DLGAP1: variants seen among roughly 807,000 people sequenced by gnomAD.
DLGAP1 encodes disks large-associated protein 1.
Under a neutral mutation model 90.8 loss-of-function variants are expected in DLGAP1, and 11 were observed. The observed-to-expected ratio is 0.12, with a 90% CI of 0.08 to 0.20. The LOEUF is 0.20. Among genes scored for constraint, DLGAP1 ranks in the 10% least tolerant of loss-of-function variants. The pLI is 1.00. For synonymous variants in DLGAP1, 558 were observed against 540.7 expected (o/e 1.03, Z -0.44); for missense variants, 1,050 against 1,333.8 (o/e 0.79, Z 3.31).
chr18:3,507,019 T>A (rs1419902889), intron 11 of DLGAP1, among the ~76,000 whole-genome samples: 2 of 151,912 alleles, frequency 1.3e-5, no homozygotes, highest in Non-Finnish European at 1.5e-5. Flanking sequence ...TATAAACGTG[T>A]GTGTATGGGG....
chr18:4,374,966 A>C (rs1462972), intron 1 of DLGAP1, among the ~76,000 whole-genome samples: 30,935 of 151,978 alleles, frequency 0.2, 3,462 homozygotes, highest in African/African-American at 0.3. Context: ...TGACAAGAAA[A>C]AAATAAAATA....
At chr18:4,348,588 G>A (rs781605311) in intron 1 of DLGAP1, among the ~76,000 whole-genome samples, 1 of 151,968 alleles carries the variant, frequency 6.6e-6, no homozygotes, top group Admixed American at 6.6e-5. Flanking sequence ...AATACCTTTC[G>A]CTAAGAAAAA....
chr18:4,268,641 T>C (rs1227357123), intron 1 of DLGAP1, among the ~76,000 whole-genome samples: 1 of 152,214 alleles, frequency 6.6e-6, no homozygotes, highest in African/African-American at 2.4e-5. Context: ...CAGCAAAATA[T>C]GGCAGAATTG....
At chr18:3,950,221 T>C (rs1755590029) in intron 3 of DLGAP1, among the ~76,000 whole-genome samples, 1 of 152,236 alleles carries the variant, frequency 6.6e-6, no homozygotes, top group African/African-American at 2.4e-5. Flanking sequence ...TATTTCATTA[T>C]TTGTGGAGAG....
intron 2 of DLGAP1, among the ~76,000 whole-genome samples, chr18:4,042,886 A>C (rs1002461170): frequency 2.0e-5 from 3 of 152,254 alleles, no homozygotes; most frequent in Non-Finnish European, 4.4e-5. Flanking sequence ...GCTAAACCAA[A>C]TACTTTAAAA....
At position 4,020,944 on chromosome 18, in the gene DLGAP1, C is replaced by T. The variant is rs923170107; in HGVS notation, c.-158-15743G>A. Reference sequence around the variant, plus strand: ...TCTGTTCTGATGGACCAGCTGACACCACCCAGACTGGTAAACTGGTTCAAC... The same window carrying T: ...TCTGTTCTGATGGACCAGCTGACACTACCCAGACTGGTAAACTGGTTCAAC... On this transcript the variant is annotated intron_variant, in intron 2 of 12. Transcript: ENST00000315677. Among the ~76,000 whole-genome samples the T allele has an allele frequency of 1.3e-4, 20 of 152,208 alleles. No homozygotes were observed. In the East Asian group the frequency reaches 3.1e-3, roughly 24 times the overall value.
intron 7 of DLGAP1, among the ~76,000 whole-genome samples, chr18:3,701,623 A>G (rs2061282473): frequency 6.6e-6 from 1 of 152,218 alleles, no homozygotes; most frequent in Admixed American, 6.5e-5. Flanking sequence ...ATGGCCAAGG[A>G]GTCCATTTGG....
intron 7 of DLGAP1, among the ~76,000 whole-genome samples, chr18:3,689,921 C>A (rs1170769809): frequency 6.6e-6 from 1 of 151,902 alleles, no homozygotes; most frequent in Non-Finnish European, 1.5e-5. Flanking sequence ...GTAAGATATA[C>A]TTTTATTGTT....
intron 1 of DLGAP1, among the ~76,000 whole-genome samples, chr18:4,418,252 A>G (rs762600189): frequency 9.9e-5 from 15 of 152,184 alleles, no homozygotes; most frequent in Non-Finnish European, 1.9e-4. Flanking sequence ...TTCAGTTTCC[A>G]TTGAACTACA....
At chr18:3,797,453 C>T (rs2066057372) in intron 5 of DLGAP1, among the ~76,000 whole-genome samples, 2 of 152,142 alleles carry the variant, frequency 1.3e-5, no homozygotes, top group South Asian at 4.1e-4. Flanking sequence ...CATATCGGCA[C>T]CCTCATCTCA....
At chr18:3,738,090 A>T (rs1225524184) in intron 6 of DLGAP1, among the ~76,000 whole-genome samples, 3 of 150,076 alleles carry the variant, frequency 2.0e-5, no homozygotes, top group Non-Finnish European at 4.4e-5. Flanking sequence ...CCTCTTCAAG[A>T]AGAACTACAA....
In DLGAP1 at chr18:4,287,486, A is replaced by G. The variant is rs2079727655; in HGVS notation, c.-266-136199T>C. On this transcript the variant is annotated intron_variant, in intron 1 of 12. Transcript: ENST00000315677. ...CCCATCAATGGATAAAATGTGGCACACATACACCATGGAATACTATGCAGC... is the reference window on the plus strand; with the variant it reads ...CCCATCAATGGATAAAATGTGGCACGCATACACCATGGAATACTATGCAGC... Among the ~76,000 whole-genome samples the G allele has an allele frequency of 2.0e-5, 3 of 152,228 alleles. No individual in the cohort carries two copies. The South Asian group carries it at 6.2e-4, about 32-fold the overall frequency.
intron 8 of DLGAP1, among the ~76,000 whole-genome samples, chr18:3,573,205 T>C (rs560024205): frequency 1.3e-5 from 2 of 152,260 alleles, no homozygotes; most frequent in South Asian, 4.1e-4. Context: ...TTGATTAAAA[T>C]ATATTAAGAA....
chr18:3,960,365 C>T (rs1439299077), intron 3 of DLGAP1, among the ~76,000 whole-genome samples: 1 of 152,060 alleles, frequency 6.6e-6, no homozygotes, highest in Non-Finnish European at 1.5e-5. Context: ...GCGGTTCCCA[C>T]ACTTTATAGA....
intron 2 of DLGAP1, among the ~76,000 whole-genome samples, chr18:4,015,447 G>A (rs1041917309): frequency 2.0e-5 from 3 of 152,092 alleles, no homozygotes; most frequent in African/African-American, 7.2e-5. Flanking sequence ...TCCTTACTCT[G>A]GAAATTAAGG....
chr18:3,926,413 T>TACAC lies in DLGAP1; in HGVS notation c.-72-46274_-72-46273insGTGT, dbSNP rs1198151023. Among the ~76,000 whole-genome samples the TACAC allele has an allele frequency of 3.1e-3, 354 of 113,448 alleles. 2 individuals are homozygous for TACAC. The highest frequency in any genetic ancestry group is 0.03 in the South Asian group (111 of 3,650). The allele number at this position is 113,448 out of a possible 152,430, so 74.4% of individuals were successfully genotyped here. ...TGTAAGCAAATGACATATATATATATATATATATACACACACACACACACA... is the reference window on the plus strand; with the variant it reads ...TGTAAGCAAATGACATATATATATATACACATATATATACACACACACACACACA... On this transcript the variant is annotated intron_variant, in intron 3 of 12. Coordinates refer to ENST00000315677, the MANE Select transcript of DLGAP1 (RefSeq NM_004746.4).
chr18:4,000,242 C>T (rs2074155186), intron 3 of DLGAP1, among the ~76,000 whole-genome samples: 1 of 143,704 alleles, frequency 7.0e-6, no homozygotes. Flanking sequence ...TTTTCTCATC[C>T]TACTATGAAT....
chr18:3,973,347 T>C (rs1442847495), intron 3 of DLGAP1, among the ~76,000 whole-genome samples: 1 of 151,314 alleles, frequency 6.6e-6, no homozygotes, highest in African/African-American at 2.4e-5. Flanking sequence ...GTAAGATTTA[T>C]CTGGAGCCAA....
rs140139664 is a variant in DLGAP1, at chr18:4,188,491, G to T, written c.-266-37204C>A. Among the ~76,000 whole-genome samples, 19 of 152,162 alleles carry T rather than the reference G, an allele frequency of 1.2e-4. 1 individual carries two copies. In the East Asian group the frequency reaches 3.3e-3, roughly 26 times the overall value. On this transcript the variant is annotated intron_variant, in intron 1 of 12. Transcript: ENST00000315677. ...GCCCCTCACACCCCGACAAGGCCCA[G>T]TGTGTGTTGTTTCCCTCTCTGTGTC...
Sources: allele counts gnomAD v4.1 joint callset (sites outside exome capture counted in the v4.1 genomes callset), GRCh38; gene constraint gnomAD v4.1.1; transcripts MANE v1.5; gene names NCBI Gene and HGNC (gene_info 2026-07-23, HGNC 2026-07-21).